SNAPC3: variants seen among roughly 807,000 people sequenced by gnomAD.
SNAPC3 encodes snRNA-activating protein complex subunit 3.
A neutral mutation model predicts 47.7 loss-of-function variants in SNAPC3; 56 were observed. The observed-to-expected ratio is 1.18, with a 90% CI of 0.95 to 1.47. The LOEUF is 1.47. SNAPC3 is among the 40% of genes most tolerant of loss of function. The pLI is 0.00. For missense variants in SNAPC3, 665 were observed against 511.3 expected (o/e 1.30, Z -2.90); for synonymous variants, 235 against 189.9 (o/e 1.24, Z -1.95).
chr9:15,442,648 G>A (rs1239772398), intron 3 of SNAPC3, among the ~76,000 whole-genome samples: 18 of 151,884 alleles, frequency 1.2e-4, no homozygotes, highest in Admixed American at 7.9e-4. Context: ...CTTCCTAGAC[G>A]AGATGGCGGC....
In SNAPC3 at chr9:15,461,277, C is replaced by T. The variant is rs563791659; in HGVS notation, c.*1411C>T. 1 of 152,322 alleles carries T rather than the reference C, an allele frequency of 6.6e-6. No individual in the cohort carries two copies. The highest frequency in any genetic ancestry group is 6.5e-5 in the Admixed American group (1 of 15,306). The allele number at this position is 152,322 out of a possible 1,614,324, so 9.4% of individuals were successfully genotyped here. A position where few individuals can be genotyped will look rare whatever the true frequency, so the allele number is the denominator to read the frequency against. Reference sequence around the variant, plus strand: ...CTAGGCTCAGGTGATCCTCCCACCTCAGCCTACCGAGTAGCTGAGACATGG... The same window carrying T: ...CTAGGCTCAGGTGATCCTCCCACCTTAGCCTACCGAGTAGCTGAGACATGG... On this transcript the variant is annotated 3_prime_UTR_variant, in exon 9 of 9. Transcript: ENST00000380821.
chr9:15,458,092 T>TTTC (rs2034936238), intron 8 of SNAPC3, 25 bp downstream of exon 8: 10 of 1,335,734 alleles, frequency 7.5e-6, no homozygotes, highest in Non-Finnish European at 1.0e-5. Flanking sequence ...ATTTTTTTTT[T>TTTC]TCTCTGAGAA....
At chr9:15,448,320 C>T (rs1035433011) in intron 5 of SNAPC3, among the ~76,000 whole-genome samples, 13 of 152,118 alleles carry the variant, frequency 8.5e-5, no homozygotes, top group South Asian at 8.3e-4. Context: ...TGTTTACTTG[C>T]TGCCTTTACA....
chr9:15,457,458 G>A (rs1283828688), intron 7 of SNAPC3, among the ~76,000 whole-genome samples: 1 of 152,040 alleles, frequency 6.6e-6, no homozygotes, highest in East Asian at 1.9e-4. Flanking sequence ...ATCTGGGTGT[G>A]GTGGTGCATG....
chr9:15,435,104 A>G (rs1050690376), intron 3 of SNAPC3, among the ~76,000 whole-genome samples: 1 of 152,134 alleles, frequency 6.6e-6, no homozygotes, highest in Non-Finnish European at 1.5e-5. Flanking sequence ...AATAATAGCC[A>G]TCCTTGTGGG....
intron 3 of SNAPC3, among the ~76,000 whole-genome samples, chr9:15,442,490 C>G (rs963887134): frequency 6.7e-6 from 1 of 149,900 alleles, no homozygotes; most frequent in African/African-American, 2.5e-5. Context: ...CCTCACTTCT[C>G]AGACCGGGCG....
rs760759916 is a variant in SNAPC3 at position 15,444,647 on chromosome 9, A to T, written c.523A>T (p.Ile175Phe). 1.9e-6 allele frequency: 3 copies of T among 1,613,120 alleles called. No individual in the cohort carries two copies. The highest frequency in any genetic ancestry group is 2.5e-6 in the Non-Finnish European group (3 of 1,179,234). Reference protein sequence around the residue: ...GKKPENSADMIEEGELILSVN... With the variant: ...GKKPENSADMFEEGELILSVN... ...AAAGCCTGAAAATTCAGCAGACATGATTGAAGAAGGGGAGCTTATCCTATC... is the reference window on the plus strand; with the variant it reads ...AAAGCCTGAAAATTCAGCAGACATGTTTGAAGAAGGGGAGCTTATCCTATC... The change falls in exon 4 of 9, where the codon ATT becomes TTT. Residue 175 changes from isoleucine to phenylalanine, a missense_variant. Ile to Phe is a conservative substitution (Grantham distance 21). Transcript: ENST00000380821.
intron 2 of SNAPC3, among the ~76,000 whole-genome samples, chr9:15,428,655 G>T (rs1384710364): frequency 6.6e-6 from 1 of 151,798 alleles, no homozygotes; most frequent in Non-Finnish European, 1.5e-5. Flanking sequence ...GACTAAAGGA[G>T]AAATGAAAAA....
chr9:15,429,810 A>G (rs553255387), intron 2 of SNAPC3, among the ~76,000 whole-genome samples: 27 of 152,332 alleles, frequency 1.8e-4, no homozygotes, highest in East Asian at 9.6e-4. Context: ...AGGATTTTCA[A>G]TTTGGCTTGT....
At chr9:15,466,414 CATCT>C (rs1406146181), downstream of SNAPC3, among the ~76,000 whole-genome samples, 1 of 152,140 alleles carries the variant, frequency 6.6e-6, no homozygotes, top group Non-Finnish European at 1.5e-5. Flanking sequence ...TGTGATTCTC[CATCT>C]AACTTTTTAC....
At chr9:15,466,194 A>G (rs184247774), downstream of SNAPC3, among the ~76,000 whole-genome samples, 328 of 152,358 alleles carry the variant, frequency 2.2e-3, 2 homozygotes, top group Non-Finnish European at 3.3e-3. Context: ...GCTGGCCAAC[A>G]TGGTGAAACC....
chr9:15,423,345 C>A, intron 1 of SNAPC3, 152 bp downstream of exon 1: 3 of 755,058 alleles, frequency 4.0e-6, no homozygotes, highest in Non-Finnish European at 4.0e-6. Context: ...CCGCTGGAGC[C>A]TTCCTGGGAC....
At chr9:15,433,761 A>T (rs2032462888) in intron 3 of SNAPC3, 125 bp downstream of exon 3, 1 of 558,836 alleles carries the variant, frequency 1.8e-6, no homozygotes, top group African/African-American at 1.9e-5. Context: ...CAAACTAGAG[A>T]AACTCCTTTG....
intron 3 of SNAPC3, among the ~76,000 whole-genome samples, chr9:15,443,866 C>T (rs1028866857): frequency 2.0e-5 from 3 of 152,224 alleles, no homozygotes; most frequent in African/African-American, 7.2e-5. Context: ...TAATGAAAAG[C>T]AGCAACTTCT....
At chr9:15,463,040 T>TATCA (rs2035335467), downstream of SNAPC3, 1 of 152,062 alleles carries the variant, frequency 6.6e-6, no homozygotes, top group African/African-American at 2.4e-5. Flanking sequence ...CAGCAAAATC[T>TATCA]ATCATATTAT....
intron 7 of SNAPC3, 163 bp downstream of exon 7, chr9:15,453,368 A>C: frequency 1.9e-6 from 1 of 526,568 alleles, no homozygotes; most frequent in Non-Finnish European, 3.3e-6. Context: ...GCAAATACCA[A>C]CTCTTTCCAT....
intron 2 of SNAPC3, among the ~76,000 whole-genome samples, chr9:15,426,138 G>A (rs2031361954): frequency 6.6e-6 from 1 of 152,162 alleles, no homozygotes; most frequent in Admixed American, 6.5e-5. Flanking sequence ...ACAGATATGA[G>A]CCACCGCACC....
chr9:15,424,068 T>C, intron 2 of SNAPC3, 82 bp downstream of exon 2: 1 of 753,794 alleles, frequency 1.3e-6, no homozygotes, highest in Non-Finnish European at 2.1e-6. Context: ...AGTGCAGTAT[T>C]GATTGTTGTC....
At chr9:15,437,278 G>A (rs1472942497) in intron 3 of SNAPC3, among the ~76,000 whole-genome samples, 2 of 150,938 alleles carry the variant, frequency 1.3e-5, no homozygotes, top group African/African-American at 4.9e-5. Flanking sequence ...CTGTCACCCA[G>A]GCTGAGTGCA....
Sources: allele counts gnomAD v4.1 joint callset (sites outside exome capture counted in the v4.1 genomes callset), GRCh38; gene constraint gnomAD v4.1.1; transcripts MANE v1.5; gene names NCBI Gene and HGNC (gene_info 2026-07-23, HGNC 2026-07-21).